SNTG2: variants seen among roughly 807,000 people sequenced by gnomAD.
The protein encoded by SNTG2 is syntrophin gamma 2.
A neutral mutation model predicts 70.9 loss-of-function variants in SNTG2; 74 were observed. That is an observed-to-expected ratio of 1.04 (90% CI 0.86 to 1.27). The LOEUF is 1.27. Ranked by LOEUF, SNTG2 falls within the 50% of genes most tolerant of loss-of-function variation. SNTG2 has a pLI of 0.00. For missense variants in SNTG2, 717 were observed against 690.7 expected, an observed-to-expected ratio of 1.04 and a Z score of -0.43; for synonymous variants, 278 against 273.8, an observed-to-expected ratio of 1.02 and a Z score of -0.15.
In SNTG2 at chr2:1,237,896, C is replaced by G. The variant is rs764309007; in HGVS notation, c.728C>G (p.Ala243Gly). The G allele has an allele frequency of 1.2e-6, 2 of 1,601,298 alleles. No individual in the cohort carries two copies. Among genetic ancestry groups the G allele is most frequent in the East Asian group, 4.5e-5 (2 of 44,262 alleles). ...KAGTEKLRWN[A>G]FEVLALDGVS... is the part of the protein sequence containing the mutation. Reference sequence around the variant, plus strand: ...GCTCTCTCCCTCCCCAGGTGGAATGCGTTCGAGGTGCTCGCCCTGGACGGA... The same window carrying G: ...GCTCTCTCCCTCCCCAGGTGGAATGGGTTCGAGGTGCTCGCCCTGGACGGA... The change falls in exon 10 of 17, where the codon GCG becomes GGG. Residue 243 changes from alanine (A) to glycine (G), a missense_variant. Coordinates refer to ENST00000308624, the MANE Select transcript of SNTG2 (RefSeq NM_018968.4).
intron 6 of SNTG2, among the ~76,000 whole-genome samples, chr2:1,138,657 G>A (rs1183440129): frequency 6.6e-6 from 1 of 152,152 alleles, no homozygotes; most frequent in African/African-American, 2.4e-5. Context: ...GCCGAGTCCA[G>A]GACACACGCC....
chr2:1,087,806 A>C (rs535371661), intron 2 of SNTG2, among the ~76,000 whole-genome samples: 2 of 152,220 alleles, frequency 1.3e-5, no homozygotes, highest in African/African-American at 2.4e-5. Flanking sequence ...ATAACAACCA[A>C]CGTGAAGGAA....
intron 16 of SNTG2, among the ~76,000 whole-genome samples, chr2:1,330,096 G>C (rs1659440106): frequency 6.6e-6 from 1 of 152,138 alleles, no homozygotes; most frequent in African/African-American, 2.4e-5. Flanking sequence ...GTACACTGCT[G>C]TTCCGCCATC....
chr2:1,253,608 CTCGT>C (rs1677885088), intron 12 of SNTG2, among the ~76,000 whole-genome samples: 1 of 152,118 alleles, frequency 6.6e-6, no homozygotes, highest in African/African-American at 2.4e-5. Flanking sequence ...GGCTTTTGAT[CTCGT>C]TCAAGATGAG....
In SNTG2 at chr2:1,149,118, G is replaced by A. The variant is rs548388352; in HGVS notation, c.411+11309G>A. Among the ~76,000 whole-genome samples the A allele has an allele frequency of 5.3e-5, 8 of 152,250 alleles. No homozygotes were observed. The East Asian group carries it at 1.5e-3, about 29-fold the overall frequency. ...AGCAAAGTAAATTCTGGATTCCATGGTTCATACACCAGGGGTCGCTGGGCA... is the reference window on the plus strand; with the variant it reads ...AGCAAAGTAAATTCTGGATTCCATGATTCATACACCAGGGGTCGCTGGGCA... On this transcript the variant is annotated intron_variant, in intron 6 of 16. Coordinates refer to ENST00000308624, the MANE Select transcript of SNTG2 (RefSeq NM_018968.4).
intron 1 of SNTG2, among the ~76,000 whole-genome samples, chr2:1,075,973 G>A (rs1162749959): frequency 1.3e-5 from 2 of 152,220 alleles, no homozygotes; most frequent in African/African-American, 2.4e-5. Flanking sequence ...CAGAGGCACA[G>A]AGCGGTGAGG....
intron 15 of SNTG2, 43 bp downstream of exon 15, chr2:1,308,629 G>C (rs1233694246): frequency 6.7e-7 from 1 of 1,482,762 alleles, no homozygotes; most frequent in Admixed American, 2.0e-5. Context: ...ATTGCCATGT[G>C]CTTGGTTACA....
At chr2:1,046,668 A>G (rs1661754134) in intron 1 of SNTG2, among the ~76,000 whole-genome samples, 1 of 152,088 alleles carries the variant, frequency 6.6e-6, no homozygotes. Context: ...TTTTCTAACG[A>G]TGTTGAATAT....
chr2:1,256,833 A>C (rs1354123011), intron 12 of SNTG2, among the ~76,000 whole-genome samples: 5 of 152,210 alleles, frequency 3.3e-5, no homozygotes, highest in South Asian at 4.2e-4. Context: ...GGCCTCTGGG[A>C]CTTGGAAGAG....
intron 13 of SNTG2, among the ~76,000 whole-genome samples, chr2:1,263,509 T>C (rs1194808624): frequency 6.6e-6 from 1 of 152,108 alleles, no homozygotes; most frequent in Non-Finnish European, 1.5e-5. Context: ...TTTTGTTTTT[T>C]TCAGGAAAGG....
intron 1 of SNTG2, among the ~76,000 whole-genome samples, chr2:992,751 C>A (rs140993254): frequency 2.6e-5 from 4 of 152,290 alleles, no homozygotes; most frequent in African/African-American, 9.6e-5. Context: ...CTCTTTGAGG[C>A]CATCACACAG....
chr2:1,113,593 ACAG>A (rs1666683048), intron 4 of SNTG2, among the ~76,000 whole-genome samples: 2 of 151,790 alleles, frequency 1.3e-5, no homozygotes, highest in Admixed American at 1.3e-4. Context: ...TTTAACCCTT[ACAG>A]TACTTTGAGG....
At chr2:1,319,472 G>A (rs933585063) in intron 16 of SNTG2, among the ~76,000 whole-genome samples, 5 of 152,234 alleles carry the variant, frequency 3.3e-5, no homozygotes, top group Non-Finnish European at 5.9e-5. Context: ...TCCATTTCCC[G>A]TGCTGGATCT....
At chr2:1,077,338 T>C (rs1444261132) in intron 1 of SNTG2, among the ~76,000 whole-genome samples, 1 of 152,212 alleles carries the variant, frequency 6.6e-6, no homozygotes, top group Non-Finnish European at 1.5e-5. Flanking sequence ...GTGTGCGGTG[T>C]TGCTATTCCT....
chr2:1,232,226 TTC>T (rs1410893586), intron 9 of SNTG2, among the ~76,000 whole-genome samples: 1 of 152,114 alleles, frequency 6.6e-6, no homozygotes. Context: ...AGGGGAGAAA[TTC>T]TCTTTCTTGG....
At chr2:951,572 A>G (rs2147935685) in intron 1 of SNTG2, among the ~76,000 whole-genome samples, 1 of 152,344 alleles carries the variant, frequency 6.6e-6, no homozygotes, top group African/African-American at 2.4e-5. Context: ...CCATTCGGGG[A>G]ACCGCTGGGA....
chr2:983,525 G>A (rs1264446946), intron 1 of SNTG2, among the ~76,000 whole-genome samples: 2 of 152,206 alleles, frequency 1.3e-5, no homozygotes, highest in Non-Finnish European at 2.9e-5. Context: ...TGCGAAGCAG[G>A]TGTCCCAGAT....
At chr2:1,251,345 C>T (rs1454587761) in intron 12 of SNTG2, among the ~76,000 whole-genome samples, 3 of 152,132 alleles carry the variant, frequency 2.0e-5, no homozygotes, top group African/African-American at 7.2e-5. Flanking sequence ...CTGTTAATTA[C>T]ACCAATATAG....
intron 12 of SNTG2, among the ~76,000 whole-genome samples, chr2:1,255,935 A>AATATATAAAT (rs1558603195): frequency 5.0e-4 from 29 of 57,864 alleles, no homozygotes; most frequent in South Asian, 2.1e-3. Context: ...TAAATATATA[A>AATATATAAAT]ATATATATAT....
Sources: gnomAD v4.1 joint callset for allele counts (sites outside exome capture counted in the v4.1 genomes callset) on GRCh38, gnomAD v4.1.1 for gene constraint, MANE v1.5 for transcripts, NCBI Gene and HGNC (gene_info 2026-07-23, HGNC 2026-07-21) for gene names.